FAM13A: variants seen among roughly 807,000 people sequenced by gnomAD.
FAM13A encodes family with sequence similarity 13 member A.
A neutral mutation model predicts 129.6 loss-of-function variants in FAM13A; 76 were observed. The observed-to-expected ratio is 0.59, with a 90% CI of 0.49 to 0.71. FAM13A has a LOEUF of 0.71. Ranked by LOEUF, FAM13A falls within the 30% of genes least tolerant of loss-of-function variation. The pLI is 0.00. For missense variants in FAM13A, 1,108 were observed against 1,249.3 expected, an observed-to-expected ratio of 0.89 and a Z score of 1.70; for synonymous variants, 443 against 449.9, an observed-to-expected ratio of 0.98 and a Z score of 0.20.
intron 4 of FAM13A, among the ~76,000 whole-genome samples, chr4:88,960,284 AT>A (rs1240667629): frequency 6.6e-6 from 1 of 152,248 alleles, no homozygotes; most frequent in African/African-American, 2.4e-5. Context: ...TTATTAAAAA[AT>A]AACACAATTT....
chr4:88,737,269 C>A (rs921060745), intron 21 of FAM13A, among the ~76,000 whole-genome samples: 5 of 152,098 alleles, frequency 3.3e-5, no homozygotes, highest in Admixed American at 2.6e-4. Flanking sequence ...CCAAAGAAAT[C>A]AACTAAATGG....
At chr4:88,826,848 A>G (rs1733080050) in intron 7 of FAM13A, among the ~76,000 whole-genome samples, 1 of 152,138 alleles carries the variant, frequency 6.6e-6, no homozygotes, top group African/African-American at 2.4e-5. Context: ...CTCTGGAAGA[A>G]GCCTGGTCTC....
intron 3 of FAM13A, among the ~76,000 whole-genome samples, chr4:89,003,069 C>T (rs1157527990): frequency 6.6e-6 from 1 of 151,748 alleles, no homozygotes; most frequent in East Asian, 1.9e-4. Context: ...TGATGGAACC[C>T]ATGGAATGTT....
chr4:88,909,497 T>G (rs1027609716), intron 5 of FAM13A, among the ~76,000 whole-genome samples: 7 of 152,002 alleles, frequency 4.6e-5, no homozygotes, highest in Admixed American at 3.9e-4. Flanking sequence ...TTTTTTATTT[T>G]TTTTTTTTGA....
intron 4 of FAM13A, among the ~76,000 whole-genome samples, chr4:88,953,706 A>G (rs551512555): frequency 5.9e-5 from 9 of 152,178 alleles, no homozygotes; most frequent in Non-Finnish European, 1.2e-4. Flanking sequence ...GGTACCTCAT[A>G]TAAGTGGAAT....
rs973158427 is a variant in FAM13A at position 88,834,066 on chromosome 4, T to C, written c.1007+16954A>G. ...CACCAGGCCTGGCTATTTTTTTTTT[T>C]TTTTTTTTTTTTTTTTACTTTTTTT... On this transcript the variant is annotated intron_variant, in intron 7 of 23. Coordinates refer to ENST00000264344, the MANE Select transcript of FAM13A (RefSeq NM_014883.4). 9.8e-5 allele frequency among the ~76,000 whole-genome samples: 14 copies of C among 142,434 alleles called. No individual in the cohort carries two copies. In the East Asian group the frequency reaches 2.6e-3, roughly 26 times the overall value. The allele number at this position is 142,434 out of a possible 152,430, so 93.4% of individuals were successfully genotyped here. A position where few individuals can be genotyped will look rare whatever the true frequency, so the allele number is the denominator to read the frequency against.
intron 7 of FAM13A, among the ~76,000 whole-genome samples, chr4:88,838,179 T>G (rs1056310437): frequency 1.3e-5 from 1 of 79,210 alleles, no homozygotes; most frequent in Non-Finnish European, 2.1e-5. Flanking sequence ...CCAAGGGAGG[T>G]CCTGAAACCT....
chr4:88,841,137 C>A (rs1400791947), intron 7 of FAM13A, among the ~76,000 whole-genome samples: 1 of 152,078 alleles, frequency 6.6e-6, no homozygotes, highest in Non-Finnish European at 1.5e-5. Flanking sequence ...ACTTTATAAA[C>A]AAGAAAATAA....
intron 8 of FAM13A, among the ~76,000 whole-genome samples, chr4:88,801,787 T>C (rs1026018814): frequency 9.9e-5 from 15 of 152,060 alleles, no homozygotes; most frequent in Non-Finnish European, 1.8e-4. Flanking sequence ...GGGATAAGGA[T>C]GGGATCTGAT....
At chr4:88,977,596 T>A (rs781315291) in intron 4 of FAM13A, among the ~76,000 whole-genome samples, 1 of 152,238 alleles carries the variant, frequency 6.6e-6, no homozygotes, top group African/African-American at 2.4e-5. Flanking sequence ...TTACAATGCA[T>A]ATTTTTCAAA....
At chr4:88,959,786 G>GT (rs2148909528) in intron 4 of FAM13A, among the ~76,000 whole-genome samples, 1 of 152,258 alleles carries the variant, frequency 6.6e-6, no homozygotes, top group African/African-American at 2.4e-5. Context: ...TCCATGTTAA[G>GT]TAACATATTT....
At chr4:88,978,776 A>G (rs1761259772) in intron 4 of FAM13A, among the ~76,000 whole-genome samples, 1 of 152,122 alleles carries the variant, frequency 6.6e-6, no homozygotes, top group South Asian at 2.1e-4. Flanking sequence ...CCTGGGCGAC[A>G]GGGCGAGACT....
At chr4:88,956,545 A>C (rs1488798024) in intron 4 of FAM13A, among the ~76,000 whole-genome samples, 1 of 152,230 alleles carries the variant, frequency 6.6e-6, no homozygotes, top group East Asian at 1.9e-4. Flanking sequence ...AACTTAAGGA[A>C]TTTATCCAAG....
chr4:88,805,919 C>A (rs1728464389), intron 7 of FAM13A, among the ~76,000 whole-genome samples: 2 of 152,128 alleles, frequency 1.3e-5, no homozygotes, highest in South Asian at 2.1e-4. Flanking sequence ...CCTCCCACCT[C>A]AGCCTCCCAA....
chr4:88,791,128 G>T (rs1357366201), intron 8 of FAM13A, among the ~76,000 whole-genome samples: 2 of 152,072 alleles, frequency 1.3e-5, no homozygotes, highest in Non-Finnish European at 2.9e-5. Context: ...ACAAGGAACC[G>T]ATATTGTTTT....
chr4:88,775,356 C>T (rs921986702), intron 11 of FAM13A, among the ~76,000 whole-genome samples: 2 of 151,912 alleles, frequency 1.3e-5, no homozygotes, highest in African/African-American at 2.4e-5. Flanking sequence ...GGTTGGAGTT[C>T]GGGTTGGGGT....
chr4:88,797,300 G>C (rs1311926735), intron 8 of FAM13A, among the ~76,000 whole-genome samples: 1 of 141,140 alleles, frequency 7.1e-6, no homozygotes, highest in South Asian at 2.2e-4. Context: ...ACAGTGTCTT[G>C]CTCCGTCACC....
intron 7 of FAM13A, among the ~76,000 whole-genome samples, chr4:88,834,918 C>G (rs1379109140): frequency 2.0e-5 from 3 of 152,140 alleles, no homozygotes; most frequent in Non-Finnish European, 2.9e-5. Flanking sequence ...TTCACCCTCC[C>G]TTTCCCGCAT....
At chr4:88,799,393 T>C (rs183290661) in intron 8 of FAM13A, among the ~76,000 whole-genome samples, 43 of 152,148 alleles carry the variant, frequency 2.8e-4, no homozygotes, top group Admixed American at 2.7e-3. Flanking sequence ...CCTGTGGAAA[T>C]GTAAAACGAT....
Sources: gnomAD v4.1 joint callset for allele counts (sites outside exome capture counted in the v4.1 genomes callset) on GRCh38, gnomAD v4.1.1 for gene constraint, MANE v1.5 for transcripts, NCBI Gene and HGNC (gene_info 2026-07-23, HGNC 2026-07-21) for gene names.